The following CMTM8 variants were observed in gnomAD, a reference collection of about 807,000 sequenced individuals.
CMTM8 encodes the protein CKLF-like MARVEL transmembrane domain-containing protein 8.
Under a neutral mutation model 18.6 loss-of-function variants are expected in CMTM8, and 12 were observed. The ratio of observed to expected loss-of-function variants is 0.65; its 90% CI spans 0.41 to 1.05. CMTM8 has a LOEUF of 1.05. CMTM8 is among the 50% of genes least tolerant of loss of function. The pLI, the probability that CMTM8 is intolerant of heterozygous loss-of-function variation, is 0.00. For synonymous variants in CMTM8, 87 were observed against 90.6 expected, an observed-to-expected ratio of 0.96 and a Z score of 0.23; for missense variants, 217 against 227.2, an observed-to-expected ratio of 0.95 and a Z score of 0.29.
At chr3:32,314,635 A>G (rs1426985029) in intron 1 of CMTM8, among the ~76,000 whole-genome samples, 1 of 152,038 alleles carries the variant, frequency 6.6e-6, no homozygotes, top group African/African-American at 2.4e-5. Flanking sequence ...GCATGCCACC[A>G]CACCCAGCTG....
chr3:32,260,744 T>G (rs1463372796), intron 1 of CMTM8, among the ~76,000 whole-genome samples: 1 of 152,074 alleles, frequency 6.6e-6, no homozygotes, highest in Non-Finnish European at 1.5e-5. Flanking sequence ...TTTTTCACAG[T>G]CACAGCTGGT....
chr3:32,365,277 C>G (rs576821888), intron 2 of CMTM8, among the ~76,000 whole-genome samples: 1 of 149,724 alleles, frequency 6.7e-6, no homozygotes, highest in Non-Finnish European at 1.5e-5. Flanking sequence ...CTATGCATAG[C>G]TGGGTAAAAA....
At chr3:32,283,453 G>A (rs979495870) in intron 1 of CMTM8, among the ~76,000 whole-genome samples, 3 of 152,164 alleles carry the variant, frequency 2.0e-5, no homozygotes, top group Non-Finnish European at 2.9e-5. Context: ...CATCGCAGGC[G>A]CATGTAATGT....
At chr3:32,289,910 T>G in intron 1 of CMTM8, among the ~76,000 whole-genome samples, 1 of 152,130 alleles carries the variant, frequency 6.6e-6, no homozygotes, top group Non-Finnish European at 1.5e-5. Context: ...GCCGGTAGAT[T>G]GCTCGAGCTT....
chr3:32,273,881 T>C (rs1053527161), intron 1 of CMTM8, among the ~76,000 whole-genome samples: 1 of 152,202 alleles, frequency 6.6e-6, no homozygotes, highest in Non-Finnish European at 1.5e-5. Context: ...AGCTGGAAGC[T>C]TAAGAGTCCT....
intron 1 of CMTM8, among the ~76,000 whole-genome samples, chr3:32,281,792 G>A (rs565979378): frequency 6.6e-6 from 1 of 152,248 alleles, no homozygotes; most frequent in African/African-American, 2.4e-5. Flanking sequence ...ATCATACTGA[G>A]CCTGAAGGCC....
chr3:32,246,609 A>G (rs1048631201), intron 1 of CMTM8, among the ~76,000 whole-genome samples: 2 of 152,204 alleles, frequency 1.3e-5, no homozygotes, highest in Non-Finnish European at 2.9e-5. Context: ...GTTTTCATCA[A>G]TGATTAATTT....
At chr3:32,277,434 C>T (rs1702536822) in intron 1 of CMTM8, among the ~76,000 whole-genome samples, 1 of 150,948 alleles carries the variant, frequency 6.6e-6, no homozygotes, top group African/African-American at 2.4e-5. Context: ...GACAGAGTCT[C>T]ACTATGTTAC....
At chr3:32,267,308 C>A (rs1444930972) in intron 1 of CMTM8, among the ~76,000 whole-genome samples, 1 of 152,130 alleles carries the variant, frequency 6.6e-6, no homozygotes, top group Non-Finnish European at 1.5e-5. Flanking sequence ...ACATCTACAA[C>A]TATCTGATCT....
chr3:32,344,947 A>C (rs1286154814), intron 1 of CMTM8, among the ~76,000 whole-genome samples: 6 of 152,166 alleles, frequency 3.9e-5, no homozygotes, highest in Non-Finnish European at 8.8e-5. Flanking sequence ...ACTCGAATAA[A>C]GATGATGTGA....
intron 1 of CMTM8, among the ~76,000 whole-genome samples, chr3:32,326,747 C>T (rs137899632): frequency 1.5e-3 from 229 of 152,216 alleles, no homozygotes; most frequent in African/African-American, 5.3e-3. Context: ...AACTCCTGAC[C>T]TCAAGTGATC....
intron 1 of CMTM8, among the ~76,000 whole-genome samples, chr3:32,271,281 C>G (rs1357476199): frequency 6.6e-6 from 1 of 152,208 alleles, no homozygotes; most frequent in East Asian, 1.9e-4. Context: ...CATGCGCCAC[C>G]ACGCCCGGTA....
intron 1 of CMTM8, among the ~76,000 whole-genome samples, chr3:32,250,585 A>G (rs559089658): frequency 3.3e-5 from 5 of 152,228 alleles, no homozygotes; most frequent in East Asian, 3.9e-4. Flanking sequence ...AGTTTTCAGT[A>G]TACATGTCTT....
At chr3:32,276,776 T>A (rs1211780887) in intron 1 of CMTM8, among the ~76,000 whole-genome samples, 2 of 152,202 alleles carry the variant, frequency 1.3e-5, no homozygotes, top group African/African-American at 2.4e-5. Context: ...AAGCTGTTTG[T>A]CTGGATGAAC....
At chr3:32,361,286 G>GTTTTTTTTTTGTTTTTTTTTTTTTT (rs58364646) in intron 2 of CMTM8, among the ~76,000 whole-genome samples, 87 of 87,248 alleles carry the variant, frequency 1.0e-3, no homozygotes, top group African/African-American at 1.2e-3. Flanking sequence ...CAGCCTAAGA[G>GTTTTTTTTTTGTTTTTTTTTTTTTT]TTTTTTTTTC....
chr3:32,304,185 A>G (rs1695680095), intron 1 of CMTM8, among the ~76,000 whole-genome samples: 1 of 152,252 alleles, frequency 6.6e-6, no homozygotes, highest in Admixed American at 6.5e-5. Context: ...TACCAAAATC[A>G]GTGTTGCTAA....
intron 2 of CMTM8, among the ~76,000 whole-genome samples, chr3:32,367,671 G>A (rs1374982864): frequency 3.9e-5 from 6 of 152,136 alleles, no homozygotes; most frequent in Non-Finnish European, 7.4e-5. Flanking sequence ...GGGGGCAGGG[G>A]TTGGCATCTG....
intron 1 of CMTM8, among the ~76,000 whole-genome samples, chr3:32,297,102 C>T (rs1343017401): frequency 1.3e-5 from 2 of 152,178 alleles, no homozygotes; most frequent in Non-Finnish European, 2.9e-5. Context: ...AAAAATTGCC[C>T]TCTGGGTTCA....
At chr3:32,322,707 A>T (rs1209473834) in intron 1 of CMTM8, among the ~76,000 whole-genome samples, 1 of 152,164 alleles carries the variant, frequency 6.6e-6, no homozygotes, top group East Asian at 1.9e-4. Flanking sequence ...CTGGCCCAAG[A>T]TGGGCCAATA....
Sources: allele counts gnomAD v4.1 joint callset (sites outside exome capture counted in the v4.1 genomes callset), GRCh38; gene constraint gnomAD v4.1.1; transcripts MANE v1.5; gene names NCBI Gene and HGNC (gene_info 2026-07-23, HGNC 2026-07-21).